Variants in CCDC88B observed in about 807,000 individuals in gnomAD.
CCDC88B encodes the protein coiled-coil and HOOK domain protein 88B.
A neutral mutation model predicts 183.7 loss-of-function variants in CCDC88B; 138 were observed. The observed-to-expected ratio is 0.75, with a 90% CI of 0.65 to 0.87. The LOEUF (loss-of-function observed/expected upper bound fraction) is 0.87, where lower values mean the gene tolerates loss of function less well. CCDC88B is among the 40% of genes least tolerant of loss of function. The pLI, the probability that CCDC88B is intolerant of heterozygous loss-of-function variation, is 0.00. For missense variants in CCDC88B, 1,822 were observed against 1,965.6 expected, an observed-to-expected ratio of 0.93 and a Z score of 1.38; for synonymous variants, 835 against 867.5, an observed-to-expected ratio of 0.96 and a Z score of 0.66.
In CCDC88B at chr11:64,349,200, A is replaced by G. The variant is rs566014841; in HGVS notation, c.2617-131A>G. The G allele has an allele frequency of 6.5e-6, 7 of 1,076,472 alleles. No individual in the cohort carries two copies. In the African/African-American group the frequency reaches 1.1e-4, roughly 17 times the overall value. The allele number at this position is 1,076,472 out of a possible 1,614,324, so 66.7% of individuals were successfully genotyped here. The stretch of plus-strand genomic sequence containing the variant: ...TCCCATTTTATAGATGGGGAAGTAG[A>G]GCCCAAAGGCTTAATGATACGTGCC... On this transcript the variant is annotated intron_variant, in intron 14 of 26. Coordinates refer to ENST00000356786, the MANE Select transcript of CCDC88B (RefSeq NM_032251.6).
Position 64,353,457 on chromosome 11 carries a change from A to C in CCDC88B, c.3794A>C (p.Glu1265Ala). Reference sequence around the variant, plus strand: ...AGGGAGCTCCTGGAGCGCAGCCTGGAGAGTCGGGACCACCTGCACCGCGAA... The same window carrying C: ...AGGGAGCTCCTGGAGCGCAGCCTGGCGAGTCGGGACCACCTGCACCGCGAA... ...ENRELLERSL[E>A]SRDHLHREQR... Residue 1265 changes from glutamate to alanine, a missense_variant, in exon 22 of 27, where the codon GAG becomes GCG. By Grantham distance (107) the Glu-to-Ala change is moderately radical. Coordinates refer to ENST00000356786, the MANE Select transcript of CCDC88B (RefSeq NM_032251.6). 6.2e-7 allele frequency: 1 copy of C among 1,612,642 alleles called. No homozygotes were observed. Among genetic ancestry groups the C allele is most frequent in the Non-Finnish European group, 8.5e-7 (1 of 1,179,940 alleles).
In CCDC88B at chr11:64,351,273, G is replaced by A. The variant is rs1325217651; in HGVS notation, c.2958+18G>A. On this transcript the variant is annotated intron_variant, in intron 17 of 26. Transcript: ENST00000356786. ...AGCGCAGTGTGAGTGTGGGCCCACA[G>A]TGGGCCCTGGGGAGGTGCCCCGTGC... 1 of 1,508,656 alleles carries A rather than the reference G, an allele frequency of 6.6e-7. No homozygotes were observed. Among genetic ancestry groups the A allele is most frequent in the Admixed American group, 2.3e-5 (1 of 43,864 alleles). 93.5% of individuals were successfully genotyped at this position (1,508,656 alleles called of 1,614,324 possible). A position where few individuals can be genotyped will look rare whatever the true frequency, so the allele number is the denominator to read the frequency against.
chr11:64,348,160 G>A (rs1403762642), intron 14 of CCDC88B, among the ~76,000 whole-genome samples: 1 of 152,060 alleles, frequency 6.6e-6, no homozygotes. Context: ...CCTGTTCCAT[G>A]GGAGGGAATG....
chr11:64,357,089 C>T lies in CCDC88B; in HGVS notation c.4426C>T (p.Gln1476Ter). The T allele has an allele frequency of 6.2e-7, 1 of 1,612,754 alleles. No homozygotes were observed. Among genetic ancestry groups the T allele is most frequent in the Non-Finnish European group, 8.5e-7 (1 of 1,179,208 alleles). The change falls in exon 27 of 27, where the codon CAG becomes TAG. Residue 1476 changes from glutamine (Q) to a stop codon, truncating the protein, a stop_gained. Coordinates refer to ENST00000356786, the MANE Select transcript of CCDC88B (RefSeq NM_032251.6). LOFTEE classifies it high-confidence loss of function. ...EKRPLTPSLS[Q>*] ...ACGTCCCCTCACCCCATCCCTCAGC[C>T]AGTGACACCGTGGGAACAGCAGGCT...
Position 64,353,149 on chromosome 11 carries a change from A to G in CCDC88B, c.3596A>G (p.Glu1199Gly). 1.3e-6 allele frequency: 2 copies of G among 1,593,160 alleles called. No individual in the cohort carries two copies. Among genetic ancestry groups the G allele is most frequent in the Non-Finnish European group, 8.5e-7 (1 of 1,171,118 alleles). The change falls in exon 21 of 27, where the codon GAG (glutamate) becomes GGG (glycine). Residue 1199 changes from glutamate (E) to glycine (G), a missense_variant. By Grantham distance (98) the Glu-to-Gly change is moderately conservative. Transcript: ENST00000356786. ...GGCCGGCTGGCGCGGCTGGAGCTGG[A>G]GCGGGCACAGCTGGAGATGCAGAGC... ...LRGRLARLEL[E>G]RAQLEMQSQQ...
intron 14 of CCDC88B, among the ~76,000 whole-genome samples, chr11:64,345,959 T>G (rs1320726594): frequency 6.6e-6 from 1 of 152,120 alleles, no homozygotes; most frequent in Non-Finnish European, 1.5e-5. Context: ...GAGCTGAGAT[T>G]GTGCCACTAT....
Position 64,343,336 on chromosome 11 carries a change from C to T in CCDC88B, c.1209+11C>T, listed in dbSNP as rs1159586919. 6.5e-7 allele frequency: 1 copy of T among 1,549,626 alleles called. No homozygotes were observed. Among genetic ancestry groups the T allele is most frequent in the Non-Finnish European group, 8.7e-7 (1 of 1,146,126 alleles). On this transcript the variant is annotated intron_variant, in intron 11 of 26. Transcript: ENST00000356786. ...GGCGAGGCCCATGCGGTAAGGTAGC[C>T]AGAGTGATCCCACTTGGGTTGCCCC...
intron 14 of CCDC88B, chr11:64,348,830 G>C: frequency 1.7e-6 from 1 of 600,908 alleles, no homozygotes; most frequent in Non-Finnish European, 3.0e-6. Flanking sequence ...AGGTCACCTA[G>C]CTGGCAGCAT....
At chr11:64,346,662 G>C (rs1056561750) in intron 14 of CCDC88B, among the ~76,000 whole-genome samples, 1 of 150,776 alleles carries the variant, frequency 6.6e-6, no homozygotes, top group African/African-American at 2.4e-5. Flanking sequence ...GGATGGTCTC[G>C]ATCTCCTGAC....
chr11:64,356,942 G>A, intron 26 of CCDC88B, 97 bp from the exon 27 acceptor site: 1 of 1,248,150 alleles, frequency 8.0e-7, no homozygotes, highest in African/African-American at 1.5e-5. Flanking sequence ...GTATTGGCAG[G>A]TCGGGGGTGG....
At chr11:64,347,548 A>G (rs896302572) in intron 14 of CCDC88B, among the ~76,000 whole-genome samples, 2 of 152,182 alleles carry the variant, frequency 1.3e-5, no homozygotes, top group African/African-American at 4.8e-5. Flanking sequence ...ACATGGGGTC[A>G]GGCGTTGTGC....
chr11:64,353,186 C>T lies in CCDC88B; in HGVS notation c.3633C>T (p.Arg1211=), dbSNP rs372751573. The T allele has an allele frequency of 1.3e-4, 207 of 1,577,778 alleles. No homozygotes were observed. The highest frequency in any genetic ancestry group is 1.6e-4 in the Admixed American group (9 of 54,756). ...TGGAGATGCAGAGCCAGCAGCTGCGCGAGTCCAACCAGCAGCTGGACCTGA... is the reference window on the plus strand; with the variant it reads ...TGGAGATGCAGAGCCAGCAGCTGCGTGAGTCCAACCAGCAGCTGGACCTGA... ...AQLEMQSQQL[R]ESNQQLDLSA... The change falls in exon 21 of 27, where the codon CGC becomes CGT. Residue 1211 remains arginine (R), a synonymous_variant. Transcript: ENST00000356786.
chr11:64,351,369 G>T, intron 17 of CCDC88B, 107 bp from the exon 18 acceptor site: 1 of 1,519,488 alleles, frequency 6.6e-7, no homozygotes. Flanking sequence ...TGGACTCACA[G>T]TGGGCCCGGG....
At chr11:64,342,702 G>C (rs1261522701) in intron 10 of CCDC88B, 22 bp downstream of exon 10, 1 of 1,455,642 alleles carries the variant, frequency 6.9e-7, no homozygotes, top group South Asian at 1.4e-5. Flanking sequence ...ACGGAGCCGC[G>C]GGGCGGGGCG....
chr11:64,355,479 C>T, intron 25 of CCDC88B, 79 bp downstream of exon 25: 3 of 1,589,372 alleles, frequency 1.9e-6, no homozygotes, highest in Non-Finnish European at 2.6e-6. Flanking sequence ...AGGAGGCTTC[C>T]TTCTTGTCCC....
intron 10 of CCDC88B, 75 bp downstream of exon 10, chr11:64,342,755 C>G: frequency 2.8e-6 from 4 of 1,414,678 alleles, no homozygotes; most frequent in Non-Finnish European, 3.7e-6. Context: ...GATTGGGTCC[C>G]GAGGGCAGAG....
rs763706147 is a variant in CCDC88B, at chr11:64,344,762, G to T, written c.2221G>T (p.Ala741Ser). The change falls in exon 14 of 27, where the codon GCT (alanine) becomes TCT (serine). Residue 741 changes from alanine to serine, a missense_variant. Coordinates refer to ENST00000356786, the MANE Select transcript of CCDC88B (RefSeq NM_032251.6). This position sits in a 1 kb window ranked among gnomAD's most constrained non-coding sequence, Gnocchi z 4.5. ...REEVAQLRRK[A>S]EALGDELEAQ... ...GGAGGTGGCACAGTTGAGGAGAAAG[G>T]CTGAGGCCCTTGGAGATGAGCTGGA... 1 of 1,613,966 alleles carries T rather than the reference G, an allele frequency of 6.2e-7. No homozygotes were observed. The highest frequency in any genetic ancestry group is 8.5e-7 in the Non-Finnish European group (1 of 1,180,002).
At position 64,343,885 on chromosome 11, in the gene CCDC88B, C is replaced by T. The variant is rs1316741665; in HGVS notation, c.1426C>T (p.Gln476Ter). Reference sequence around the variant, plus strand: ...GAACCGGGAGCTTCGGGGGCTGCTTCAGGTGCTTCAGGGGCAGCCAGGGGG... The same window carrying T: ...GAACCGGGAGCTTCGGGGGCTGCTTTAGGTGCTTCAGGGGCAGCCAGGGGG... Reference protein sequence around the residue: ...RENRELRGLLQVLQGQPGGQH... With the variant: ...RENRELRGLL Residue 476 changes from glutamine to a stop codon, truncating the protein, a stop_gained, in exon 13 of 27, where the codon CAG (glutamine) becomes TAG (stop). Coordinates refer to ENST00000356786, the MANE Select transcript of CCDC88B (RefSeq NM_032251.6). LOFTEE classifies it high-confidence loss of function. 6.2e-7 allele frequency: 1 copy of T among 1,605,362 alleles called. No individual in the cohort carries two copies.
chr11:64,344,734 G>T lies in CCDC88B; in HGVS notation c.2193G>T (p.Arg731Ser). 1 of 1,614,140 alleles carries T rather than the reference G, an allele frequency of 6.2e-7. No individual in the cohort carries two copies. The highest frequency in any genetic ancestry group is 8.5e-7 in the Non-Finnish European group (1 of 1,180,030). Residue 731 changes from arginine (R) to serine (S), a missense_variant, in exon 14 of 27, where the codon AGG becomes AGT. Transcript: ENST00000356786. The surrounding 1 kb of genome is among the most constrained non-coding windows in gnomAD (Gnocchi z 4.5). The stretch of plus-strand genomic sequence containing the variant: ...GTGTCGCAGAGCAGGAGGCCCTCAG[G>T]GAGGAGGTGGCACAGTTGAGGAGAA... Reference protein sequence around the residue: ...ASGVAEQEALREEVAQLRRKA... With the variant: ...ASGVAEQEALSEEVAQLRRKA...
Sources: allele counts gnomAD v4.1 joint callset (sites outside exome capture counted in the v4.1 genomes callset), GRCh38; gene constraint gnomAD v4.1.1; non-coding constraint Gnocchi (gnomAD v3.1); transcripts MANE v1.5; gene names NCBI Gene and HGNC (gene_info 2026-07-23, HGNC 2026-07-21).